OGG1: variants seen among roughly 807,000 people sequenced by gnomAD.
The protein encoded by OGG1 is 8-oxoguanine DNA glycosylase.
Under a neutral mutation model 42.3 loss-of-function variants are expected in OGG1, and 35 were observed. That is an observed-to-expected ratio of 0.83 (90% CI 0.63 to 1.10). The LOEUF is 1.10. Ranked by LOEUF, OGG1 falls within the 50% of genes least tolerant of loss-of-function variation. The probability of loss-of-function intolerance (pLI) is 0.00; values close to 1 mark genes in which losing one functional copy is unlikely to be tolerated. For missense variants in OGG1, 484 were observed against 446.7 expected, an observed-to-expected ratio of 1.08 and a Z score of -0.75; for synonymous variants, 189 against 179.0, an observed-to-expected ratio of 1.06 and a Z score of -0.44.
In OGG1 at chr3:9,757,369, C is replaced by G. The variant is rs758929412; in HGVS notation, c.*219C>G. ...GGATGGTTTTATCTTCCCTTTATTA[C>G]AAGAAGGAACAATAAAATAGAAACA... On this transcript the variant is annotated 3_prime_UTR_variant, in exon 7 of 7. Transcript: ENST00000344629. The surrounding 1 kb of genome is among the most constrained non-coding windows in gnomAD (Gnocchi z 4.5). The G allele has an allele frequency of 1.2e-6, 2 of 1,613,418 alleles. No homozygotes were observed. Among genetic ancestry groups the G allele is most frequent in the African/African-American group, 1.3e-5 (1 of 74,868 alleles).
chr3:9,760,602 G>C, downstream of OGG1: 3 of 1,580,332 alleles, frequency 1.9e-6, no homozygotes, highest in East Asian at 2.2e-5. Flanking sequence ...CCCAAAGCAG[G>C]TGAGGGAGGA....
At chr3:9,787,761 AAGAG>A in exon 4 of OGG1, 3 of 1,240,904 alleles carry the variant, frequency 2.4e-6, no homozygotes, top group South Asian at 1.2e-5. Context: ...AGTGAAGTGA[AAGAG>A]AGAGATCAAA....
chr3:9,768,286 A>T (rs1023299092), downstream of OGG1, among the ~76,000 whole-genome samples: 18 of 152,106 alleles, frequency 1.2e-4, no homozygotes, highest in Non-Finnish European at 7.4e-5. Flanking sequence ...TCTCAGCCAC[A>T]TTTTTAAATA....
chr3:9,763,322 G>A lies in OGG1; in HGVS notation c.1049-2487G>A, dbSNP rs1475236567. On this transcript the variant is annotated intron_variant, in intron 7 of 7. Transcript: ENST00000302008. ...GCAGGAGGATCACTTGGCCCCAGCAGTTCAAAGCTGCAGTCTGTTATGATT... is the reference window on the plus strand; with the variant it reads ...GCAGGAGGATCACTTGGCCCCAGCAATTCAAAGCTGCAGTCTGTTATGATT... 16 of 1,303,736 alleles carry A rather than the reference G, an allele frequency of 1.2e-5. No individual in the cohort carries two copies. In the East Asian group the frequency reaches 4.0e-4, roughly 33 times the overall value. The allele number at this position is 1,303,736 out of a possible 1,614,324, so 80.8% of individuals were successfully genotyped here.
At chr3:9,785,579 T>C (rs1213145926) in intron 3 of OGG1, among the ~76,000 whole-genome samples, 1 of 152,194 alleles carries the variant, frequency 6.6e-6, no homozygotes, top group Non-Finnish European at 1.5e-5. Flanking sequence ...AATCCCAAAT[T>C]GCTTTGATCA....
chr3:9,754,872 G>T lies in OGG1; in HGVS notation c.734G>T (p.Gly245Val). 1 of 1,597,892 alleles carries T rather than the reference G, an allele frequency of 6.3e-7. No individual in the cohort carries two copies. ...EAHKALCILP[G>V]VGTKVADCIC... Reference sequence around the variant, plus strand: ...CACAAGGCCCTCTGCATCCTGCCTGGAGTGGGCACCAAGGTGAGGCCCCAG... The same window carrying T: ...CACAAGGCCCTCTGCATCCTGCCTGTAGTGGGCACCAAGGTGAGGCCCCAG... The change falls in exon 4 of 7, where the codon GGA (glycine) becomes GTA (valine). Residue 245 changes from glycine to valine, a missense_variant. By Grantham distance (109) the Gly-to-Val change is moderately radical (BLOSUM62 -3). Coordinates refer to ENST00000344629, the MANE Select transcript of OGG1 (RefSeq NM_002542.6).
chr3:9,756,661 A>G (rs374585510), intron 5 of OGG1, 40 bp downstream of exon 5: 2 of 1,612,294 alleles, frequency 1.2e-6, no homozygotes, highest in East Asian at 2.2e-5. Context: ...GTGGGCTGGG[A>G]TGGTAGAAAC....
downstream of OGG1, chr3:9,759,440 G>A (rs939127948): frequency 4.3e-6 from 7 of 1,612,938 alleles, no homozygotes; most frequent in Admixed American, 1.0e-4. Context: ...GTAGGGATGG[G>A]GAGGAGTCCT....
intron 2 of OGG1, chr3:9,781,446 A>C (rs1203846687): frequency 2.3e-6 from 1 of 443,620 alleles, no homozygotes; most frequent in African/African-American, 2.0e-5. Flanking sequence ...AGGATCCCAC[A>C]GTTAGTGAGG....
intron 4 of OGG1, 120 bp downstream of exon 4, chr3:9,755,005 A>G: frequency 1.3e-6 from 1 of 797,256 alleles, no homozygotes; most frequent in Non-Finnish European, 2.1e-6. Context: ...GGAAGGAGAA[A>G]GGATATAAGT....
exon 8 of OGG1, chr3:9,765,900 GA>G (rs749361287): frequency 6.2e-7 from 1 of 1,614,038 alleles, no homozygotes; most frequent in South Asian, 1.1e-5. Context: ...CCTATCGGGA[GA>G]GGGGATTCAC....
At chr3:9,752,364 A>G (rs1212154419) in intron 3 of OGG1, among the ~76,000 whole-genome samples, 1 of 152,070 alleles carries the variant, frequency 6.6e-6, no homozygotes, top group Non-Finnish European at 1.5e-5. Context: ...TGGAGTTGTC[A>G]TGAGGGTTGA....
intron 2 of OGG1, among the ~76,000 whole-genome samples, chr3:9,778,712 C>G (rs1237234390): frequency 6.6e-6 from 1 of 152,150 alleles, no homozygotes; most frequent in African/African-American, 2.4e-5. Flanking sequence ...TGGAGGGCCT[C>G]GAGTGACCCA....
At chr3:9,782,148 A>G (rs2078484097) in intron 3 of OGG1, among the ~76,000 whole-genome samples, 1 of 151,904 alleles carries the variant, frequency 6.6e-6, no homozygotes, top group Non-Finnish European at 1.5e-5. Flanking sequence ...AGGGCCCACT[A>G]CTTCTGTAAC....
chr3:9,759,040 C>T (rs2077720856), downstream of OGG1: 1 of 743,600 alleles, frequency 1.3e-6, no homozygotes, highest in Non-Finnish European at 2.4e-6. Flanking sequence ...CCTAAGAGGC[C>T]TGGCCCCTTA....
At chr3:9,759,649 T>C, downstream of OGG1, 3 of 1,614,156 alleles carry the variant, frequency 1.9e-6, no homozygotes, top group Non-Finnish European at 2.5e-6. Context: ...CCGCCCCAGC[T>C]CACAGGTTGT....
intron 7 of OGG1, among the ~76,000 whole-genome samples, chr3:9,764,737 A>T (rs867745653): frequency 2.1e-5 from 3 of 146,148 alleles, no homozygotes; most frequent in African/African-American, 7.6e-5. Flanking sequence ...GGTTTAAGCA[A>T]TTCTCCTGCC....
intron 1 of OGG1, 59 bp from the exon 2 acceptor site, chr3:9,750,886 C>A: frequency 6.2e-7 from 1 of 1,608,132 alleles, no homozygotes. Context: ...ATAGGAGGGA[C>A]CCCAAAGGGT....
At chr3:9,757,782 T>A (rs953847648), downstream of OGG1, 21 of 1,613,866 alleles carry the variant, frequency 1.3e-5, no homozygotes, top group Admixed American at 5.0e-5. This position sits in a 1 kb window ranked among gnomAD's most constrained non-coding sequence, Gnocchi z 4.5. Context: ...CCCCTGCCCC[T>A]CCTGGCTGGT....
Sources: allele counts gnomAD v4.1 joint callset (sites outside exome capture counted in the v4.1 genomes callset), GRCh38; gene constraint gnomAD v4.1.1; non-coding constraint Gnocchi (gnomAD v3.1); transcripts MANE v1.5; gene names NCBI Gene and HGNC (gene_info 2026-07-23, HGNC 2026-07-21).